Variants in PLCXD1 observed in about 807,000 individuals in gnomAD.
The protein encoded by PLCXD1 is phosphatidylinositol specific phospholipase C X domain containing 1.
A neutral mutation model predicts 37.8 loss-of-function variants in PLCXD1; 45 were observed. The observed-to-expected ratio is 1.19, with a 90% CI of 0.94 to 1.53. The LOEUF (loss-of-function observed/expected upper bound fraction) is 1.53. Among genes scored for constraint, PLCXD1 ranks in the 40% most tolerant of loss-of-function variants. PLCXD1 has a pLI of 0.00. For missense variants in PLCXD1, 539 were observed against 454.7 expected, an observed-to-expected ratio of 1.19 and a Z score of -1.69; for synonymous variants, 246 against 206.9, an observed-to-expected ratio of 1.19 and a Z score of -1.62.
At chrX:294,667 G>C in intron 6 of PLCXD1, among the ~76,000 whole-genome samples, 1 of 151,756 alleles carries the variant, frequency 6.6e-6, no homozygotes, top group East Asian at 1.9e-4. Context: ...AGCCAGGCAT[G>C]GTGATGCGCG....
At chrX:277,417 G>C (rs867190515), upstream of PLCXD1, among the ~76,000 whole-genome samples, 52 of 28,642 alleles carry the variant, frequency 1.8e-3, 1 homozygote, top group Non-Finnish European at 4.2e-3. Flanking sequence ...GAGGGGAGGG[G>C]TCAGGGCACG....
rs1221166716 is a variant in PLCXD1 at position 284,163 on chromosome X, T to G, written c.-21-4T>G. On this transcript the variant is annotated splice_region_variant and splice_polypyrimidine_tract_variant and intron_variant, in intron 1 of 6. Transcript: ENST00000381657. ...AAACCTCTTTTCCTCTTCTCCTTCC[T>G]CAGGTTGCCCAGGGCTCACCTCTGA... 1.9e-6 allele frequency: 3 copies of G among 1,611,932 alleles called. No homozygotes were observed. Among genetic ancestry groups the G allele is most frequent in the Non-Finnish European group, 2.5e-6 (3 of 1,179,272 alleles).
rs1318179349 is a variant in PLCXD1 at position 291,603 on chromosome X, C to G, written c.498C>G (p.Tyr166Ter). ...FEGLSEDLHE[Y>*]LVACIKNIFG... The stretch of plus-strand genomic sequence containing the variant: ...GGCTGAGCGAGGACCTGCACGAGTA[C>G]CTGGTCGCCTGTATCAAGAACATCT... Residue 166 changes from tyrosine (Y) to a stop codon, truncating the protein, a stop_gained, in exon 5 of 7, where the codon TAC becomes TAG. Transcript: ENST00000381657. LOFTEE classifies it high-confidence loss of function. 5 of 1,612,872 alleles carry G rather than the reference C, an allele frequency of 3.1e-6. No homozygotes were observed. In the Admixed American group the frequency reaches 8.3e-5, roughly 27 times the overall value.
At chrX:295,361 C>T in intron 6 of PLCXD1, among the ~76,000 whole-genome samples, 1 of 151,914 alleles carries the variant, frequency 6.6e-6, no homozygotes, top group East Asian at 1.9e-4. Context: ...CCGTCTCGGT[C>T]CTGCAGCCTG....
intron 3 of PLCXD1, among the ~76,000 whole-genome samples, chrX:290,122 C>A (rs1378833497): frequency 1.3e-5 from 2 of 152,060 alleles, no homozygotes; most frequent in African/African-American, 2.4e-5. Context: ...CACACCCAGG[C>A]TGATTTTTAA....
chrX:296,730 C>T (rs1424991911), intron 6 of PLCXD1, among the ~76,000 whole-genome samples: 1 of 152,188 alleles, frequency 6.6e-6, no homozygotes, highest in African/African-American at 2.4e-5. Flanking sequence ...TTCTTCCTGT[C>T]TATCACATGG....
intron 6 of PLCXD1, among the ~76,000 whole-genome samples, chrX:293,563 C>T (rs887518036): frequency 4.1e-4 from 62 of 152,120 alleles, no homozygotes; most frequent in African/African-American, 1.0e-3. Context: ...AGTTCGAGAC[C>T]GGCCTGACCA....
At position 303,348 on chromosome X, in the gene PLCXD1, A is replaced by G. The variant is rs1271883920; in HGVS notation, c.*4013A>G. 2.0e-5 allele frequency: 3 copies of G among 152,236 alleles called. No homozygotes were observed. Among genetic ancestry groups the G allele is most frequent in the Admixed American group, 6.6e-5 (1 of 15,264 alleles). 9.4% of individuals were successfully genotyped at this position (152,236 alleles called of 1,614,324 possible). On this transcript the variant is annotated 3_prime_UTR_variant, in exon 7 of 7. Coordinates refer to ENST00000381657, the MANE Select transcript of PLCXD1 (RefSeq NM_018390.4). ...ATCGTTTAAATAAATGAACATCATT[A>G]AAGTCAAATATGAGTATGAATTTTA...
chrX:298,976 G>T, intron 6 of PLCXD1, 121 bp from the exon 7 acceptor site: 2 of 777,244 alleles, frequency 2.6e-6, no homozygotes, highest in Non-Finnish European at 4.4e-6. Context: ...TTTCCTTGTT[G>T]GACATGGTGC....
At chrX:294,319 A>G (rs1445037464) in intron 6 of PLCXD1, among the ~76,000 whole-genome samples, 1 of 152,100 alleles carries the variant, frequency 6.6e-6, no homozygotes, top group Non-Finnish European at 1.5e-5. Flanking sequence ...CGTCTCTACT[A>G]AAAATACAAA....
chrX:288,815 C>G lies in PLCXD1; in HGVS notation c.210C>G (p.Asn70Lys). Residue 70 changes from asparagine (N) to lysine (K), a missense_variant, in exon 3 of 7, where the codon AAC becomes AAG. Transcript: ENST00000381657. The part of the protein sequence containing the change: ...HEESRLLQLL[N>K]KALPCITRPV... Reference sequence around the variant, plus strand: ...AGTCCCGGCTGCTGCAGCTGCTGAACAAGGCCTTGCCCTGCATCACGCGCC... The same window carrying G: ...AGTCCCGGCTGCTGCAGCTGCTGAAGAAGGCCTTGCCCTGCATCACGCGCC... The G allele has an allele frequency of 5.6e-6, 9 of 1,613,782 alleles. No individual in the cohort carries two copies. Among genetic ancestry groups the G allele is most frequent in the Non-Finnish European group, 6.8e-6 (8 of 1,179,720 alleles).
chrX:289,045 C>G (rs2069545424), intron 3 of PLCXD1, among the ~76,000 whole-genome samples, 176 bp downstream of exon 3: 2 of 152,116 alleles, frequency 1.3e-5, no homozygotes, highest in Admixed American at 1.3e-4. Flanking sequence ...TGCTGCCCAC[C>G]CAGAACCCCT....
At chrX:278,649 G>A (rs2069200158), upstream of PLCXD1, among the ~76,000 whole-genome samples, 2 of 148,206 alleles carry the variant, frequency 1.3e-5, no homozygotes, top group Non-Finnish European at 3.0e-5. Context: ...TGAGATAGGA[G>A]AATTGCTTGA....
chrX:299,704 C>G lies in PLCXD1; in HGVS notation c.*369C>G, dbSNP rs1472670689. 8.5e-6 allele frequency: 3 copies of G among 350,918 alleles called. No individual in the cohort carries two copies. Among genetic ancestry groups the G allele is most frequent in the Admixed American group, 4.5e-5 (1 of 22,366 alleles). 21.7% of individuals were successfully genotyped at this position (350,918 alleles called of 1,614,324 possible). ...GCCGGGAGATGGAGGTTGCATTGAG[C>G]TGACATCGTGCCACTGCACTCCAGT... On this transcript the variant is annotated 3_prime_UTR_variant, in exon 7 of 7. Coordinates refer to ENST00000381657, the MANE Select transcript of PLCXD1 (RefSeq NM_018390.4).
chrX:288,952 C>G, intron 3 of PLCXD1, 83 bp downstream of exon 3: 3 of 1,383,492 alleles, frequency 2.2e-6, no homozygotes, highest in Non-Finnish European at 3.1e-6. Flanking sequence ...TGGCCCCTCA[C>G]CCAGGTAGGG....
intron 3 of PLCXD1, 119 bp downstream of exon 3, chrX:288,988 G>A: frequency 1.0e-6 from 1 of 953,970 alleles, no homozygotes; most frequent in South Asian, 1.4e-5. Flanking sequence ...GTGGGCTCAG[G>A]AGGCAGGTTC....
chrX:288,797 G>C lies in PLCXD1; in HGVS notation c.192G>C (p.Arg64=), dbSNP rs2069536985. 4 of 1,613,730 alleles carry C rather than the reference G, an allele frequency of 2.5e-6. No homozygotes were observed. Among genetic ancestry groups the C allele is most frequent in the Non-Finnish European group, 3.4e-6 (4 of 1,179,656 alleles). ...CCCCCATTTCGCACGAGGAGTCCCGGCTGCTGCAGCTGCTGAACAAGGCCT... is the reference window on the plus strand; with the variant it reads ...CCCCCATTTCGCACGAGGAGTCCCGCCTGCTGCAGCTGCTGAACAAGGCCT... ...KKSPISHEES[R]LLQLLNKALP... The change falls in exon 3 of 7, where the codon CGG becomes CGC. Residue 64 remains arginine (R), a synonymous_variant. Transcript: ENST00000381657.
In PLCXD1 at chrX:291,556, C is replaced by G; in HGVS notation, c.451C>G (p.Leu151Val). The G allele has an allele frequency of 6.2e-7, 1 of 1,613,132 alleles. No homozygotes were observed. The highest frequency in any genetic ancestry group is 2.2e-5 in the East Asian group (1 of 44,872). The change falls in exon 5 of 7, where the codon CTG (leucine) becomes GTG (valine). Residue 151 changes from leucine to valine, a missense_variant. Leu to Val is a conservative substitution (Grantham distance 32). Transcript: ENST00000381657. ...GCGGCATCCACGCGAGGTGGTCATC[C>G]TGGCCTGCAGAAACTTCGAGGGGCT... ...LERHPREVVI[L>V]ACRNFEGLSE... is the part of the protein sequence containing the mutation.
intron 3 of PLCXD1, among the ~76,000 whole-genome samples, chrX:289,802 C>T (rs905109129): frequency 6.6e-4 from 100 of 152,198 alleles, no homozygotes; most frequent in Admixed American, 1.1e-3. Context: ...TCAGCCACCG[C>T]GCCCGGCCGA....
Sources: allele counts gnomAD v4.1 joint callset (sites outside exome capture counted in the v4.1 genomes callset), GRCh38; gene constraint gnomAD v4.1.1; transcripts MANE v1.5; gene names NCBI Gene and HGNC (gene_info 2026-07-23, HGNC 2026-07-21).